MARCHF7: variants seen among roughly 807,000 people sequenced by gnomAD.
MARCHF7 encodes E3 ubiquitin-protein ligase MARCHF7.
Under a neutral mutation model 76.5 loss-of-function variants are expected in MARCHF7, and 20 were observed. The ratio of observed to expected loss-of-function variants is 0.26; its 90% CI spans 0.18 to 0.38. The LOEUF is 0.38. Ranked by LOEUF, MARCHF7 falls within the 10% of genes least tolerant of loss-of-function variation. The pLI, the probability that MARCHF7 is intolerant of heterozygous loss-of-function variation, is 1.00. For synonymous variants in MARCHF7, 295 were observed against 293.0 expected (o/e 1.01, Z -0.07); for missense variants, 797 against 812.9 (o/e 0.98, Z 0.24).
At chr2:159,724,963 G>A (rs1702004042) in intron 3 of MARCHF7, among the ~76,000 whole-genome samples, 1 of 152,146 alleles carries the variant, frequency 6.6e-6, no homozygotes, top group Non-Finnish European at 1.5e-5. Context: ...ATAGTTTGCT[G>A]AGAATGATGG....
rs1702027169 is a variant in MARCHF7, at chr2:159,725,182, C to T, written c.-14-3827C>T. ...CTTTATAGTAGCATGATTTATAATC[C>T]TTTGGGTATATACCCAGTAATGGGA... On this transcript the variant is annotated intron_variant, in intron 3 of 11. Transcript: ENST00000409175. Among the ~76,000 whole-genome samples the T allele has an allele frequency of 2.6e-5, 4 of 152,116 alleles. No homozygotes were observed. In the East Asian group the frequency reaches 7.7e-4, roughly 29 times the overall value.
At chr2:159,714,769 G>A (rs1236012429) in intron 2 of MARCHF7, among the ~76,000 whole-genome samples, 171 bp downstream of exon 2, 1 of 152,148 alleles carries the variant, frequency 6.6e-6, no homozygotes, top group Non-Finnish European at 1.5e-5. Flanking sequence ...GGGCATGGTG[G>A]TGCGGGTGTA....
Position 159,768,372 on chromosome 2 carries a change from C to T in MARCHF7, c.*1030C>T, listed in dbSNP as rs1367392165. On this transcript the variant is annotated 3_prime_UTR_variant, in exon 12 of 12. Coordinates refer to ENST00000409175, the MANE Select transcript of MARCHF7 (RefSeq NM_001282805.2). ...TGTGGTCATGAGTTGTGTATACTTC[C>T]ATAACACTGTATTTTTCTTCTGTCA... 1 of 152,524 alleles carries T rather than the reference C, an allele frequency of 6.6e-6. No individual in the cohort carries two copies. Among genetic ancestry groups the T allele is most frequent in the African/African-American group, 2.4e-5 (1 of 41,406 alleles). The allele number at this position is 152,524 out of a possible 1,614,324, so 9.4% of individuals were successfully genotyped here.
rs1444035027 is a variant in MARCHF7 at position 159,747,952 on chromosome 2, C to G, written c.662C>G (p.Ser221Cys). 4 of 1,614,058 alleles carry G rather than the reference C, an allele frequency of 2.5e-6. No individual in the cohort carries two copies. In the East Asian group the frequency reaches 8.9e-5, roughly 36 times the overall value. ...TILSSRDSRNSLRSNFSSRES... is the reference protein window; with the variant it reads ...TILSSRDSRNCLRSNFSSRES... ...CTAAGTTCTAGGGACTCCAGAAATT[C>G]TTTAAGATCAAATTTTTCTTCAAGA... The change falls in exon 7 of 12, where the codon TCT becomes TGT. Residue 221 changes from serine to cysteine, a missense_variant. By Grantham distance (112) the Ser-to-Cys change is moderately radical. Coordinates refer to ENST00000409175, the MANE Select transcript of MARCHF7 (RefSeq NM_001282805.2).
chr2:159,714,889 C>T (rs1309983313), intron 2 of MARCHF7, among the ~76,000 whole-genome samples: 1 of 152,016 alleles, frequency 6.6e-6, no homozygotes, highest in Non-Finnish European at 1.5e-5. Context: ...CCACTGCACT[C>T]CAGCCTGCAC....
intron 8 of MARCHF7, among the ~76,000 whole-genome samples, chr2:159,756,687 CAAAAAAAAAAAAA>C (rs869261420): frequency 3.1e-5 from 2 of 64,238 alleles, no homozygotes; most frequent in South Asian, 8.3e-4. Context: ...CACTCAGTCT[CAAAAAAAAAAAAA>C]AAAAAAAAAA....
chr2:159,733,549 TAA>T (rs11432807), intron 4 of MARCHF7: 175 of 942,730 alleles, frequency 1.9e-4, no homozygotes, highest in African/African-American at 9.2e-4. Context: ...GAGGCAACAT[TAA>T]AAAAAAAAAA....
In MARCHF7 at chr2:159,729,126, A is replaced by T. The variant is rs772532653; in HGVS notation, c.104A>T (p.Asp35Val). 2.4e-5 allele frequency: 38 copies of T among 1,610,590 alleles called. 1 individual carries two copies. In the South Asian group the frequency reaches 4.2e-4, roughly 18 times the overall value. ...GGAAGCAGAGGAAGTAGTTTAAATGATACCTATCACTCAAGAGACTCTTCA... is the reference window on the plus strand; with the variant it reads ...GGAAGCAGAGGAAGTAGTTTAAATGTTACCTATCACTCAAGAGACTCTTCA... ...MSGSRGSSLNDTYHSRDSSFR... is the reference protein window; with the variant it reads ...MSGSRGSSLNVTYHSRDSSFR... The change falls in exon 4 of 12, where the codon GAT becomes GTT. Residue 35 changes from aspartate (D) to valine (V), a missense_variant. Coordinates refer to ENST00000409175, the MANE Select transcript of MARCHF7 (RefSeq NM_001282805.2).
chr2:159,713,582 A>G (rs1041230102), intron 1 of MARCHF7, among the ~76,000 whole-genome samples: 1 of 152,222 alleles, frequency 6.6e-6, no homozygotes, highest in Non-Finnish European at 1.5e-5. Context: ...AGGATTAAAG[A>G]TGAATTTTCG....
chr2:159,766,245 A>C (rs757749511), intron 11 of MARCHF7, among the ~76,000 whole-genome samples: 1 of 152,218 alleles, frequency 6.6e-6, no homozygotes, highest in South Asian at 2.1e-4. Flanking sequence ...ATAAGCTGTA[A>C]TTTTTTAGTT....
At chr2:159,713,384 G>T (rs1282307073) in intron 1 of MARCHF7, among the ~76,000 whole-genome samples, 1 of 152,178 alleles carries the variant, frequency 6.6e-6, no homozygotes, top group Admixed American at 6.5e-5. Context: ...AAGTACCAAA[G>T]TAAATATATT....
chr2:159,732,714 T>C (rs1021398198), intron 4 of MARCHF7: 1 of 362,476 alleles, frequency 2.8e-6, no homozygotes, highest in Non-Finnish European at 3.8e-6. Flanking sequence ...ATTTTTCTTA[T>C]AGAGATGGGG....
At position 159,746,808 on chromosome 2, in the gene MARCHF7, A is replaced by G. The variant is rs182649773; in HGVS notation, c.514+871A>G. On this transcript the variant is annotated intron_variant, in intron 6 of 11. Coordinates refer to ENST00000409175, the MANE Select transcript of MARCHF7 (RefSeq NM_001282805.2). ...AGTAGGCAGAAATGGAGTTTGATTT[A>G]CATAGTAGGAAATAATGTTTTGTTT... 4.0e-3 allele frequency among the ~76,000 whole-genome samples: 617 copies of G among 152,364 alleles called. 1 individual carries two copies. The highest frequency in any genetic ancestry group is 6.8e-3 in the Middle Eastern group (2 of 294).
chr2:159,756,703 A>C (rs941555691), intron 8 of MARCHF7, among the ~76,000 whole-genome samples: 5 of 151,332 alleles, frequency 3.3e-5, no homozygotes, highest in African/African-American at 4.9e-5. Flanking sequence ...AAAAAAAAAA[A>C]AAAAAAAAAA....
At position 159,767,914 on chromosome 2, in the gene MARCHF7, C is replaced by T. The variant is rs906192311; in HGVS notation, c.*572C>T. On this transcript the variant is annotated 3_prime_UTR_variant, in exon 12 of 12. Transcript: ENST00000409175. ...AAATTTAATTTGAATTCCAAATTCA[C>T]CTAGCAATAAAATCTAATTTTTAAA... 3 of 152,264 alleles carry T rather than the reference C, an allele frequency of 2.0e-5. No individual in the cohort carries two copies. Among genetic ancestry groups the T allele is most frequent in the Non-Finnish European group, 4.4e-5 (3 of 67,932 alleles). 9.4% of individuals were successfully genotyped at this position (152,264 alleles called of 1,614,324 possible).
At chr2:159,734,837 G>GC (rs1462324861) in intron 4 of MARCHF7, among the ~76,000 whole-genome samples, 1 of 129,172 alleles carries the variant, frequency 7.7e-6, no homozygotes, top group Non-Finnish European at 1.6e-5. Context: ...AAAAAAAAAA[G>GC]CCAGGCATGG....
At chr2:159,743,445 A>G (rs1184924704) in intron 5 of MARCHF7, among the ~76,000 whole-genome samples, 192 bp downstream of exon 5, 1 of 152,218 alleles carries the variant, frequency 6.6e-6, no homozygotes, top group Admixed American at 6.5e-5. Context: ...TAAAATTGAT[A>G]TAGATATCCT....
At chr2:159,756,008 G>T (rs1194909392) in intron 8 of MARCHF7, among the ~76,000 whole-genome samples, 13 of 152,146 alleles carry the variant, frequency 8.5e-5, no homozygotes, top group Admixed American at 8.5e-4. Flanking sequence ...ACCTGGAACT[G>T]CCTTTTCTCT....
chr2:159,746,068 A>G, intron 6 of MARCHF7, 131 bp downstream of exon 6: 1 of 633,412 alleles, frequency 1.6e-6, no homozygotes, highest in Non-Finnish European at 2.5e-6. Context: ...ATACCTTAAT[A>G]TTTTTTTCTA....
Sources: allele counts gnomAD v4.1 joint callset (sites outside exome capture counted in the v4.1 genomes callset), GRCh38; gene constraint gnomAD v4.1.1; transcripts MANE v1.5; gene names NCBI Gene and HGNC (gene_info 2026-07-23, HGNC 2026-07-21).